Variants in FGF14 observed in about 807,000 individuals in gnomAD.
FGF14 encodes fibroblast growth factor 14, also known as fibroblast growth factor homologous factor 4.
Under a neutral mutation model 25.5 loss-of-function variants are expected in FGF14, and 5 were observed. The ratio of observed to expected loss-of-function variants is 0.20; its 90% CI spans 0.10 to 0.41. FGF14 has a LOEUF of 0.41. Among genes scored for constraint, FGF14 ranks in the 10% least tolerant of loss-of-function variants. The pLI is 1.00. For missense variants in FGF14, 222 were observed against 320.1 expected (o/e 0.69, Z 2.34); for synonymous variants, 138 against 118.3 (o/e 1.17, Z -1.08).
intron 3 of FGF14, among the ~76,000 whole-genome samples, chr13:101,836,158 G>C (rs2042917880): frequency 6.6e-6 from 1 of 152,014 alleles, no homozygotes; most frequent in Non-Finnish European, 1.5e-5. Context: ...GTAAAAGACT[G>C]AGCAATTTGA....
chr13:101,853,618 T>C (rs1024076427), intron 3 of FGF14, among the ~76,000 whole-genome samples: 2 of 151,874 alleles, frequency 1.3e-5, no homozygotes, highest in African/African-American at 4.8e-5. Context: ...CTGGATAATA[T>C]TTTAAAATTT....
At chr13:101,952,822 G>A (rs61965227) in intron 1 of FGF14, among the ~76,000 whole-genome samples, 4,455 of 152,262 alleles carry the variant, frequency 0.029, 95 homozygotes, top group Middle Eastern at 0.048. Context: ...CCTGAAGTCA[G>A]GAGTTTGAGA....
chr13:102,340,266 G>A (rs745712810), intron 1 of FGF14, among the ~76,000 whole-genome samples: 2 of 152,130 alleles, frequency 1.3e-5, no homozygotes, highest in African/African-American at 2.4e-5. Flanking sequence ...TCCCTTAGAG[G>A]GGAGCCATGT....
chr13:102,390,290 T>A (rs902038308), intron 1 of FGF14, among the ~76,000 whole-genome samples: 8 of 152,204 alleles, frequency 5.3e-5, no homozygotes, highest in African/African-American at 1.7e-4. Context: ...CACACAACTG[T>A]TAGAATACAT....
chr13:102,161,137 A>G (rs1223317157), intron 1 of FGF14, among the ~76,000 whole-genome samples: 7 of 152,206 alleles, frequency 4.6e-5, no homozygotes. Flanking sequence ...TAAAATTTAC[A>G]TGGATCATTA....
intron 1 of FGF14, among the ~76,000 whole-genome samples, chr13:102,227,432 C>G (rs1411234740): frequency 2.0e-5 from 3 of 152,086 alleles, no homozygotes; most frequent in Admixed American, 6.6e-5. Context: ...AATACTGGGT[C>G]TTCCTCTCCT....
intron 2 of FGF14, 148 bp from the exon 3 acceptor site, chr13:101,868,976 A>G (rs934873674): frequency 6.0e-6 from 4 of 668,302 alleles, no homozygotes; most frequent in South Asian, 5.1e-5. Flanking sequence ...ATTTTGCTTT[A>G]TAAGTAAGAA....
At chr13:102,161,071 AAG>A (rs1271435623) in intron 1 of FGF14, among the ~76,000 whole-genome samples, 1 of 152,182 alleles carries the variant, frequency 6.6e-6, no homozygotes, top group African/African-American at 2.4e-5. Context: ...AAGTATTCCT[AAG>A]AGAGAGAAAG....
intron 1 of FGF14, among the ~76,000 whole-genome samples, chr13:102,296,063 T>C (rs2054693865): frequency 6.6e-6 from 1 of 152,098 alleles, no homozygotes; most frequent in African/African-American, 2.4e-5. Context: ...TTTCTGTTCC[T>C]TTTGGAAGGT....
At chr13:102,378,019 C>G (rs1432183512) in intron 1 of FGF14, among the ~76,000 whole-genome samples, 1 of 152,168 alleles carries the variant, frequency 6.6e-6, no homozygotes, top group Non-Finnish European at 1.5e-5. Context: ...CAGAACAAGG[C>G]TCTTACTAGG....
chr13:102,344,117 T>C (rs990917034), intron 1 of FGF14, among the ~76,000 whole-genome samples: 1 of 152,202 alleles, frequency 6.6e-6, no homozygotes, highest in Non-Finnish European at 1.5e-5. Flanking sequence ...GGCATGAAAC[T>C]CAATCACTTA....
At chr13:102,001,116 A>G (rs1046907635) in intron 1 of FGF14, among the ~76,000 whole-genome samples, 13 of 152,206 alleles carry the variant, frequency 8.5e-5, no homozygotes, top group African/African-American at 3.1e-4. Flanking sequence ...TAAAGTATTA[A>G]ATGTTATGAT....
At chr13:101,829,061 T>C (rs1282003933) in intron 3 of FGF14, among the ~76,000 whole-genome samples, 2 of 152,118 alleles carry the variant, frequency 1.3e-5, no homozygotes, top group Non-Finnish European at 2.9e-5. Flanking sequence ...TTTTGCTATT[T>C]ATCCCTGGGC....
At chr13:102,238,884 G>A (rs938083462) in intron 1 of FGF14, among the ~76,000 whole-genome samples, 1 of 152,054 alleles carries the variant, frequency 6.6e-6, no homozygotes, top group African/African-American at 2.4e-5. Flanking sequence ...TCCTTAGAAA[G>A]GTAGTACATA....
At chr13:101,793,714 T>C (rs1044242481) in intron 3 of FGF14, among the ~76,000 whole-genome samples, 3 of 152,102 alleles carry the variant, frequency 2.0e-5, no homozygotes, top group Admixed American at 2.0e-4. Flanking sequence ...CAGCCTCTTC[T>C]GTCCCTCAAC....
chr13:101,920,688 CCA>C (rs1491315930), upstream of FGF14, among the ~76,000 whole-genome samples: 3 of 152,110 alleles, frequency 2.0e-5, no homozygotes, highest in Non-Finnish European at 4.4e-5. Flanking sequence ...CACCACCCCC[CCA>C]CAGTGGATGC....
chr13:102,056,494 C>A (rs908836446), intron 1 of FGF14, among the ~76,000 whole-genome samples: 3 of 152,116 alleles, frequency 2.0e-5, no homozygotes, highest in Admixed American at 1.3e-4. Flanking sequence ...AATATGGATG[C>A]AGTAGATACT....
intron 1 of FGF14, among the ~76,000 whole-genome samples, chr13:102,146,164 A>G (rs2046845777): frequency 6.6e-6 from 1 of 152,154 alleles, no homozygotes; most frequent in Non-Finnish European, 1.5e-5. Context: ...TTGGGGAAAA[A>G]AAGTTTTGTT....
chr13:101,756,171 C>T (rs571920387), intron 3 of FGF14, among the ~76,000 whole-genome samples: 1 of 152,302 alleles, frequency 6.6e-6, no homozygotes, highest in Non-Finnish European at 1.5e-5. Context: ...CAAAGACTTA[C>T]CTTTTTCCAA....
Sources: allele counts gnomAD v4.1 joint callset (sites outside exome capture counted in the v4.1 genomes callset), GRCh38; gene constraint gnomAD v4.1.1; transcripts MANE v1.5; gene names NCBI Gene and HGNC (gene_info 2026-07-23, HGNC 2026-07-21).